PCDHA2: variants seen among roughly 807,000 people sequenced by gnomAD.
PCDHA2 encodes the protein protocadherin alpha 2.
In PCDHA2, 58 loss-of-function variants were observed where a neutral mutation model predicts 66.0. The ratio of observed to expected loss-of-function variants is 0.88; its 90% CI spans 0.71 to 1.09. The LOEUF (loss-of-function observed/expected upper bound fraction) is 1.09. Among genes scored for constraint, PCDHA2 ranks in the 50% least tolerant of loss-of-function variants. PCDHA2 has a pLI of 0.00. For missense variants in PCDHA2, 1,267 were observed against 1,242.3 expected, an observed-to-expected ratio of 1.02 and a Z score of -0.30; for synonymous variants, 634 against 554.0, an observed-to-expected ratio of 1.14 and a Z score of -2.03.
chr5:140,857,944 G>C, intron 1 of PCDHA2: 1 of 1,597,474 alleles, frequency 6.3e-7, no homozygotes, highest in South Asian at 1.1e-5. Flanking sequence ...AGATCAGTAC[G>C]ACGCGCGCTC....
intron 3 of PCDHA2, among the ~76,000 whole-genome samples, chr5:141,005,681 G>A (rs970656529): frequency 2.7e-5 from 3 of 112,616 alleles, no homozygotes; most frequent in African/African-American, 3.6e-5. Flanking sequence ...CAGCCTGGGC[G>A]ACAGAGCGAA....
At chr5:140,888,260 A>G (rs563968634) in intron 1 of PCDHA2, among the ~76,000 whole-genome samples, 1 of 152,194 alleles carries the variant, frequency 6.6e-6, no homozygotes, top group South Asian at 2.1e-4. Flanking sequence ...GTAGTTCTTG[A>G]TAAGAAACAG....
intron 1 of PCDHA2, chr5:140,871,406 T>A: frequency 6.2e-7 from 1 of 1,614,032 alleles, no homozygotes; most frequent in African/African-American, 1.3e-5. Context: ...AAGACGGACC[T>A]CATGGCCTTC....
intron 1 of PCDHA2, chr5:140,837,034 CA>C (rs1275665516): frequency 5.8e-5 from 13 of 223,608 alleles, no homozygotes; most frequent in South Asian, 2.6e-4. Context: ...AGTGTATTTA[CA>C]AAATCAAATA....
intron 1 of PCDHA2, among the ~76,000 whole-genome samples, chr5:140,975,613 A>G (rs1482474647): frequency 1.3e-5 from 2 of 152,226 alleles, no homozygotes; most frequent in Non-Finnish European, 2.9e-5. Context: ...TGTCTTCCAC[A>G]TGGATTTCCA....
At chr5:140,884,368 G>T (rs2060127258) in intron 1 of PCDHA2, 1 of 1,613,864 alleles carries the variant, frequency 6.2e-7, no homozygotes, top group Non-Finnish European at 8.5e-7. Context: ...ATGTTTACTT[G>T]ATCATTGCCA....
intron 1 of PCDHA2, among the ~76,000 whole-genome samples, chr5:140,972,289 G>A (rs548610825): frequency 1.5e-3 from 229 of 151,134 alleles, no homozygotes; most frequent in Non-Finnish European, 2.1e-3. Flanking sequence ...ATAGATGTGC[G>A]CCACCGTGTC....
chr5:140,829,625 G>C (rs138462086), intron 1 of PCDHA2: 8 of 1,612,066 alleles, frequency 5.0e-6, no homozygotes, highest in South Asian at 3.3e-5. Flanking sequence ...TTCGGTGCAC[G>C]CGGAGAGCGG....
chr5:140,839,117 T>C (rs1776042409), intron 1 of PCDHA2, among the ~76,000 whole-genome samples: 1 of 151,952 alleles, frequency 6.6e-6, no homozygotes, highest in Admixed American at 6.5e-5. Flanking sequence ...CATTAAGCCA[T>C]AATATGTCAT....
intron 1 of PCDHA2, chr5:140,929,480 G>T: frequency 8.4e-7 from 1 of 1,195,420 alleles, no homozygotes; most frequent in Non-Finnish European, 1.1e-6. Flanking sequence ...TGGAAGTATA[G>T]AAGTATTAGA....
intron 1 of PCDHA2, chr5:140,829,434 T>C: frequency 6.2e-7 from 1 of 1,613,976 alleles, no homozygotes. Flanking sequence ...GTGGCCGACA[T>C]GAATGACAAT....
At chr5:140,802,688 G>T in intron 1 of PCDHA2, 1 of 1,613,020 alleles carries the variant, frequency 6.2e-7, no homozygotes, top group Non-Finnish European at 8.5e-7. Flanking sequence ...TGGTGGAACG[G>T]CGGGTGGGGG....
intron 1 of PCDHA2, chr5:140,883,270 T>C: frequency 6.2e-7 from 1 of 1,614,106 alleles, no homozygotes; most frequent in Non-Finnish European, 8.5e-7. Flanking sequence ...CGGGTCATTG[T>C]ACCCTTTTGG....
chr5:140,815,145 C>A (rs1765664554), intron 1 of PCDHA2: 1 of 152,056 alleles, frequency 6.6e-6, no homozygotes, highest in South Asian at 2.1e-4. Flanking sequence ...AATTCAACCA[C>A]TTTGTATCTT....
At chr5:140,977,055 A>G (rs1220462981) in intron 1 of PCDHA2, among the ~76,000 whole-genome samples, 1 of 152,234 alleles carries the variant, frequency 6.6e-6, no homozygotes, top group Non-Finnish European at 1.5e-5. Context: ...CTGATGGACT[A>G]GTATAGAAAA....
rs781967700 is a variant in PCDHA2 at position 140,796,704 on chromosome 5, G to T, written c.1740G>T (p.Leu580=). 6.2e-7 allele frequency: 1 copy of T among 1,613,992 alleles called. No individual in the cohort carries two copies. The highest frequency in any genetic ancestry group is 8.5e-7 in the Non-Finnish European group (1 of 1,179,906). The change falls in exon 1 of 4, where the codon CTG becomes CTT. Residue 580 remains leucine, a synonymous_variant. Coordinates refer to ENST00000526136, the MANE Select transcript of PCDHA2 (RefSeq NM_018905.3). The part of the protein sequence containing the change: ...AGTAAGAVSE[L]VPWSVGAGHV... ...CCGCTGCTGGCGCAGTGAGTGAGCT[G>T]GTGCCGTGGTCGGTGGGTGCAGGGC...
At chr5:140,829,284 T>A (rs2150165150) in intron 1 of PCDHA2, 2 of 1,614,254 alleles carry the variant, frequency 1.2e-6, no homozygotes, top group South Asian at 2.2e-5. Flanking sequence ...TTCAAGCTGG[T>A]GTCCACCTTC....
At chr5:140,895,235 C>T (rs1554186440) in intron 1 of PCDHA2, among the ~76,000 whole-genome samples, 2 of 152,236 alleles carry the variant, frequency 1.3e-5, no homozygotes, top group East Asian at 1.9e-4. Context: ...GTTTTCTCAT[C>T]TCTCTTTTCA....
chr5:140,822,994 G>A lies in PCDHA2; in HGVS notation c.2388+25642G>A, dbSNP rs2150121119. ...CACCTTCAAGAATTACTACTCGTTG[G>A]TGCTGGACAGCGCCCTGGACCGCGA... On this transcript the variant is annotated intron_variant, in intron 1 of 3. Coordinates refer to ENST00000526136, the MANE Select transcript of PCDHA2 (RefSeq NM_018905.3). 66 of 1,614,244 alleles carry A rather than the reference G, an allele frequency of 4.1e-5. No homozygotes were observed. The highest frequency in any genetic ancestry group is 3.3e-4 in the Admixed American group (20 of 60,034).
Sources: gnomAD v4.1 joint callset for allele counts (sites outside exome capture counted in the v4.1 genomes callset) on GRCh38, gnomAD v4.1.1 for gene constraint, MANE v1.5 for transcripts, NCBI Gene and HGNC (gene_info 2026-07-23, HGNC 2026-07-21) for gene names.